The following DENND2A variants were observed in gnomAD, a reference collection of about 807,000 sequenced individuals.
DENND2A encodes DENN domain-containing protein 2A.
DENND2A carries 53 observed loss-of-function variants against 105.3 expected under a neutral mutation model. The ratio of observed to expected loss-of-function variants is 0.50; its 90% confidence interval spans 0.40 to 0.63. The LOEUF is 0.63. DENND2A is among the 30% of genes least tolerant of loss of function. The probability of loss-of-function intolerance (pLI) is 0.00; values close to 1 mark genes in which losing one functional copy is unlikely to be tolerated. For missense variants in DENND2A, 1,138 were observed against 1,279.6 expected, an observed-to-expected ratio of 0.89 and a Z score of 1.69; for synonymous variants, 522 against 508.4, an observed-to-expected ratio of 1.03 and a Z score of -0.36.
At chr7:140,622,623 A>G (rs1359734761) in intron 1 of DENND2A, among the ~76,000 whole-genome samples, 1 of 152,128 alleles carries the variant, frequency 6.6e-6, no homozygotes, top group African/African-American at 2.4e-5. Flanking sequence ...TTACAACACC[A>G]GTGTACTGAA....
At chr7:140,626,507 C>T (rs1299415752) in intron 1 of DENND2A, among the ~76,000 whole-genome samples, 1 of 152,200 alleles carries the variant, frequency 6.6e-6, no homozygotes, top group Non-Finnish European at 1.5e-5. Flanking sequence ...TCACGCTGCA[C>T]CACTGAACAG....
At chr7:140,634,068 G>A (rs1199893942) in intron 1 of DENND2A, among the ~76,000 whole-genome samples, 3 of 149,654 alleles carry the variant, frequency 2.0e-5, no homozygotes, top group East Asian at 3.9e-4. Context: ...GCGCGACCTC[G>A]GCTCACTGCA....
chr7:140,576,634 CT>C (rs1163134661), intron 5 of DENND2A, among the ~76,000 whole-genome samples: 1 of 152,218 alleles, frequency 6.6e-6, no homozygotes, highest in Non-Finnish European at 1.5e-5. Context: ...ACTTCAGAAT[CT>C]TTTCTTTTTA....
chr7:140,624,493 G>C (rs1386670955), intron 1 of DENND2A, among the ~76,000 whole-genome samples: 1 of 152,166 alleles, frequency 6.6e-6, no homozygotes, highest in African/African-American at 2.4e-5. Flanking sequence ...TGTGGCCCAG[G>C]GGGGTTTTGG....
chr7:140,634,349 T>G (rs372091959), intron 1 of DENND2A, among the ~76,000 whole-genome samples: 195 of 152,262 alleles, frequency 1.3e-3, no homozygotes, highest in African/African-American at 4.5e-3. Context: ...TGCCAAGTGA[T>G]GGTTATTTTG....
intron 1 of DENND2A, among the ~76,000 whole-genome samples, chr7:140,632,086 T>C (rs1333551511): frequency 6.6e-6 from 1 of 152,164 alleles, no homozygotes; most frequent in Non-Finnish European, 1.5e-5. Flanking sequence ...TGTGATCCCT[T>C]ACAAATGCCT....
At chr7:140,534,479 TA>T (rs898099046) in intron 14 of DENND2A, among the ~76,000 whole-genome samples, 5 of 151,082 alleles carry the variant, frequency 3.3e-5, no homozygotes, top group Non-Finnish European at 5.9e-5. Flanking sequence ...TTCCTCAAAA[TA>T]AATGATAGAG....
chr7:140,545,437 G>A (rs1278774106), intron 13 of DENND2A, among the ~76,000 whole-genome samples: 3 of 152,126 alleles, frequency 2.0e-5, no homozygotes, highest in African/African-American at 4.8e-5. Flanking sequence ...TGCAGCCTCC[G>A]CCTCCCAGGT....
In DENND2A at chr7:140,601,400, T is replaced by C. The variant is rs1799478840; in HGVS notation, c.995+3A>G. On this transcript the variant is annotated splice_donor_region_variant and intron_variant, in intron 3 of 19. Coordinates refer to ENST00000496613, the MANE Select transcript of DENND2A (RefSeq NM_015689.5). ...CACTCTGCCTGGCCACACCGGCACC[T>C]ACCTGTGGTCTGCACTGGATTTCTG... 1.3e-6 allele frequency: 2 copies of C among 1,580,842 alleles called. No individual in the cohort carries two copies. The highest frequency in any genetic ancestry group is 1.7e-6 in the Non-Finnish European group (2 of 1,163,662).
rs1018799496 is a variant in DENND2A at position 140,523,880 on chromosome 7, C to T, written c.2548-456G>A. On this transcript the variant is annotated intron_variant, in intron 16 of 19. Transcript: ENST00000496613. The surrounding 1 kb of genome is among the most constrained non-coding windows in gnomAD (Gnocchi z 4.5). ...GAGCCACTGCACCTGGCCGAGCCTA[C>T]TTTTTACAAGCAACGGGAGCCTCGT... Among the ~76,000 whole-genome samples, 4 of 151,852 alleles carry T rather than the reference C, an allele frequency of 2.6e-5. No individual in the cohort carries two copies. The highest frequency in any genetic ancestry group is 6.6e-5 in the Admixed American group (1 of 15,262).
chr7:140,544,808 A>G (rs1321885716), intron 13 of DENND2A, 42 bp from the exon 14 acceptor site: 1 of 1,551,778 alleles, frequency 6.4e-7, no homozygotes, highest in Non-Finnish European at 8.7e-7. Flanking sequence ...GGGCCCAGCT[A>G]CGCAGCCAGG....
chr7:140,592,688 C>T (rs568831994), intron 3 of DENND2A, among the ~76,000 whole-genome samples: 1 of 152,022 alleles, frequency 6.6e-6, no homozygotes, highest in East Asian at 1.9e-4. Context: ...CAACCTCCGC[C>T]TCCAGGGTTC....
At chr7:140,609,406 G>A (rs976397660) in intron 1 of DENND2A, among the ~76,000 whole-genome samples, 5 of 152,164 alleles carry the variant, frequency 3.3e-5, no homozygotes, top group South Asian at 4.2e-4. Context: ...CCAGCTACTC[G>A]GGAGGCTGAG....
At position 140,521,979 on chromosome 7, in the gene DENND2A, C is replaced by T; in HGVS notation, c.2787G>A (p.Gln929=). Residue 929 remains glutamine (Q), a synonymous_variant, in exon 18 of 20, where the codon CAG becomes CAA. Coordinates refer to ENST00000496613, the MANE Select transcript of DENND2A (RefSeq NM_015689.5). The part of the protein sequence containing the change: ...TSGEREERTL[Q]REAFRKAVSS... ...AGACAGCTTTGCGGAAGGCCTCCCG[C>T]TGCAGGGTTCTCTCCTCACGCTCGC... is the stretch of plus-strand genomic sequence containing the variant. The T allele has an allele frequency of 6.2e-7, 1 of 1,614,166 alleles. No homozygotes were observed. The highest frequency in any genetic ancestry group is 8.5e-7 in the Non-Finnish European group (1 of 1,180,040).
intron 5 of DENND2A, among the ~76,000 whole-genome samples, chr7:140,583,520 T>G (rs1306852517): frequency 6.7e-6 from 1 of 150,162 alleles, no homozygotes; most frequent in East Asian, 1.9e-4. Flanking sequence ...GGTTGGCACC[T>G]GTGGGCCACA....
intron 9 of DENND2A, among the ~76,000 whole-genome samples, chr7:140,562,433 G>A (rs987142616): frequency 2.6e-5 from 4 of 151,878 alleles, no homozygotes; most frequent in Non-Finnish European, 5.9e-5. Context: ...AGGCTGAGGC[G>A]GGCGGATCAC....
intron 1 of DENND2A, among the ~76,000 whole-genome samples, chr7:140,631,849 G>C (rs1800745006): frequency 6.6e-6 from 1 of 152,098 alleles, no homozygotes; most frequent in Non-Finnish European, 1.5e-5. Context: ...GAAGATCCCA[G>C]AGCACGAGGC....
At position 140,518,524 on chromosome 7, in the gene DENND2A, G is replaced by T; in HGVS notation, c.*183C>A. The T allele has an allele frequency of 3.9e-6, 2 of 514,492 alleles. No individual in the cohort carries two copies. The highest frequency in any genetic ancestry group is 3.4e-6 in the Non-Finnish European group (1 of 290,178). 31.9% of individuals were successfully genotyped at this position (514,492 alleles called of 1,614,324 possible). A position where few individuals can be genotyped will look rare whatever the true frequency, so the allele number is the denominator to read the frequency against. On this transcript the variant is annotated 3_prime_UTR_variant, in exon 20 of 20. Coordinates refer to ENST00000496613, the MANE Select transcript of DENND2A (RefSeq NM_015689.5). ...CCTGGTCTCGGGCTCCCTTTCTGGG[G>T]CTGTCCTCCCAGGCGGCTCCCAGGT...
chr7:140,620,506 A>AC (rs1397340221), intron 1 of DENND2A, among the ~76,000 whole-genome samples: 17 of 151,302 alleles, frequency 1.1e-4, no homozygotes, highest in South Asian at 4.2e-4. Context: ...AACAACAACC[A>AC]CCCCCCCACC....
Sources: gnomAD v4.1 joint callset for allele counts (sites outside exome capture counted in the v4.1 genomes callset) on GRCh38, gnomAD v4.1.1 for gene constraint, Gnocchi (gnomAD v3.1) non-coding constraint, MANE v1.5 for transcripts, NCBI Gene and HGNC (gene_info 2026-07-23, HGNC 2026-07-21) for gene names.